Variants in DNAH3 observed in about 807,000 individuals in gnomAD.
DNAH3 encodes axonemal beta dynein heavy chain 3.
In DNAH3, 332 loss-of-function variants were observed where a neutral mutation model predicts 432.5. The observed-to-expected ratio is 0.77, with a 90% CI of 0.70 to 0.84. DNAH3 has a LOEUF of 0.84. DNAH3 is among the 40% of genes least tolerant of loss of function. The pLI, the probability that DNAH3 is intolerant of heterozygous loss-of-function variation, is 0.00. For missense variants in DNAH3, 4,861 were observed against 5,114.0 expected (o/e 0.95, Z 1.51); for synonymous variants, 1,956 against 1,900.2 (o/e 1.03, Z -0.76).
At chr16:21,132,548 T>C (rs1194433488) in intron 7 of DNAH3, among the ~76,000 whole-genome samples, 1 of 152,208 alleles carries the variant, frequency 6.6e-6, no homozygotes. Context: ...AATGGATTAG[T>C]ATGCCGCCAT....
intron 40 of DNAH3, 95 bp from the exon 41 acceptor site, chr16:21,019,964 C>A: frequency 1.4e-6 from 2 of 1,411,512 alleles, no homozygotes; most frequent in Non-Finnish European, 9.7e-7. Flanking sequence ...AGGGTCTGGG[C>A]CAGAAGGGCG....
chr16:21,032,522 C>G (rs1398594107), intron 36 of DNAH3, among the ~76,000 whole-genome samples: 1 of 152,092 alleles, frequency 6.6e-6, no homozygotes, highest in Admixed American at 6.6e-5. Context: ...AAATAAAGAA[C>G]CACCTCTGGG....
rs1289951506 is a variant in DNAH3, at chr16:21,051,049, G to A, written c.4238+621C>T. Among the ~76,000 whole-genome samples, 3 of 152,130 alleles carry A rather than the reference G, an allele frequency of 2.0e-5. No homozygotes were observed. The East Asian group carries it at 5.8e-4, about 29-fold the overall frequency. The stretch of plus-strand genomic sequence containing the variant: ...TAAGTGGAATAAATAAATGAATGAA[G>A]AGCAAAAATCATAGACCATAAAAAA... On this transcript the variant is annotated intron_variant, in intron 29 of 61. Transcript: ENST00000261383.
At chr16:20,975,122 T>C (rs907035307) in intron 51 of DNAH3, 111 bp downstream of exon 51, 7 of 1,304,362 alleles carry the variant, frequency 5.4e-6, no homozygotes, top group Non-Finnish European at 1.1e-6. Context: ...TGAGCCACCA[T>C]GCCCAGCCTT....
At chr16:21,038,016 G>T in intron 33 of DNAH3, 36 bp from the exon 34 acceptor site, 1 of 1,584,330 alleles carries the variant, frequency 6.3e-7, no homozygotes. Context: ...GACACCCAGA[G>T]AGGACTACGT....
chr16:21,081,340 A>G (rs1011877349), intron 20 of DNAH3, among the ~76,000 whole-genome samples: 3 of 151,830 alleles, frequency 2.0e-5, no homozygotes, highest in Admixed American at 6.6e-5. Context: ...TTTGCCCCCA[A>G]TCACTGAGAG....
Position 21,145,199 on chromosome 16 carries a change from G to A in DNAH3, c.430C>T (p.Gln144Ter). 6.2e-7 allele frequency: 1 copy of A among 1,612,168 alleles called. No homozygotes were observed. ...CAAGTACCTGATGATGGCAGCCCCT[G>A]ACCGGTCCTGTCCCTAGGGACACTG... Residue 144 changes from glutamine to a stop codon, truncating the protein, a stop_gained, in exon 3 of 62, where the codon CAG (glutamine) becomes TAG (stop). Transcript: ENST00000261383. LOFTEE classifies it high-confidence loss of function.
chr16:21,020,872 C>T (rs2088179478), intron 40 of DNAH3, among the ~76,000 whole-genome samples: 1 of 152,090 alleles, frequency 6.6e-6, no homozygotes, highest in Admixed American at 6.6e-5. Flanking sequence ...GCTCTTTGCC[C>T]ATTAAACAAT....
chr16:21,067,441 G>A, intron 23 of DNAH3, 22 bp from the exon 24 acceptor site: 2 of 1,613,074 alleles, frequency 1.2e-6, no homozygotes, highest in South Asian at 2.2e-5. Context: ...CAAAAAAAGT[G>A]AGACTCATCA....
chr16:21,146,635 A>T (rs915483321), intron 1 of DNAH3, among the ~76,000 whole-genome samples: 1 of 152,240 alleles, frequency 6.6e-6, no homozygotes, highest in African/African-American at 2.4e-5. Context: ...GCGTTGTTCA[A>T]GAATACAATA....
intron 30 of DNAH3, 40 bp downstream of exon 30, chr16:21,049,870 G>A (rs759158506): frequency 6.5e-6 from 10 of 1,535,120 alleles, no homozygotes; most frequent in African/African-American, 1.4e-5. Context: ...GTGCAGAGAG[G>A]GCCTGGAAGA....
chr16:20,958,819 G>A (rs1425327664), intron 54 of DNAH3, among the ~76,000 whole-genome samples: 1 of 152,160 alleles, frequency 6.6e-6, no homozygotes, highest in Non-Finnish European at 1.5e-5. Flanking sequence ...CCAGGCTGGA[G>A]TGCAGTGATA....
At chr16:21,152,418 G>C (rs1268818515) in intron 1 of DNAH3, among the ~76,000 whole-genome samples, 1 of 152,224 alleles carries the variant, frequency 6.6e-6, no homozygotes, top group Non-Finnish European at 1.5e-5. Flanking sequence ...TGCATAGTGA[G>C]AGGTGACAGC....
At chr16:20,975,120 C>A in intron 51 of DNAH3, 113 bp downstream of exon 51, 1 of 1,293,414 alleles carries the variant, frequency 7.7e-7, no homozygotes, top group Non-Finnish European at 1.1e-6. Flanking sequence ...TGTGAGCCAC[C>A]ATGCCCAGCC....
At chr16:20,959,837 A>G (rs1214585002) in intron 53 of DNAH3, among the ~76,000 whole-genome samples, 6 of 152,204 alleles carry the variant, frequency 3.9e-5, no homozygotes, top group Non-Finnish European at 1.5e-5. Flanking sequence ...ATAAAAAAAG[A>G]AATTATCTGA....
chr16:21,006,034 T>C (rs954980653), intron 41 of DNAH3, among the ~76,000 whole-genome samples: 1 of 152,172 alleles, frequency 6.6e-6, no homozygotes, highest in Non-Finnish European at 1.5e-5. Context: ...TGCATCTGTA[T>C]CTTTGTATAT....
At chr16:21,120,618 C>T (rs1360171979) in intron 11 of DNAH3, 4 of 749,904 alleles carry the variant, frequency 5.3e-6, no homozygotes, top group Non-Finnish European at 6.9e-6. Flanking sequence ...ACTCAGTCTA[C>T]GTTGTTTTTC....
At chr16:20,970,993 G>A (rs533909411) in intron 51 of DNAH3, among the ~76,000 whole-genome samples, 10 of 150,684 alleles carry the variant, frequency 6.6e-5, no homozygotes, top group South Asian at 2.1e-4. Context: ...TCAGGCTCCC[G>A]AGTAGCTGGG....
chr16:20,986,464 ACCATTGCACT>A (rs2086202232), intron 47 of DNAH3, among the ~76,000 whole-genome samples: 1 of 152,076 alleles, frequency 6.6e-6, no homozygotes, highest in South Asian at 2.1e-4. Context: ...CTATGATCAT[ACCATTGCACT>A]CCAGCCTGGG....
Sources: allele counts gnomAD v4.1 joint callset (sites outside exome capture counted in the v4.1 genomes callset), GRCh38; gene constraint gnomAD v4.1.1; transcripts MANE v1.5; gene names NCBI Gene and HGNC (gene_info 2026-07-23, HGNC 2026-07-21).